Variants in PHF3 observed in about 807,000 individuals in gnomAD.
The protein encoded by PHF3 is PHD finger protein 3.
A neutral mutation model predicts 178.4 loss-of-function variants in PHF3; 41 were observed. That is an observed-to-expected ratio of 0.23 (90% CI 0.18 to 0.30). The LOEUF (loss-of-function observed/expected upper bound fraction) is 0.30, where lower values mean the gene tolerates loss of function less well. Ranked by LOEUF, PHF3 falls within the 10% of genes least tolerant of loss-of-function variation. The pLI is 1.00. For missense variants in PHF3, 2,346 were observed against 2,398.1 expected (o/e 0.98, Z 0.45); for synonymous variants, 842 against 800.5 (o/e 1.05, Z -0.88).
rs1767181335 is a variant in PHF3 at position 63,695,191 on chromosome 6, G to A, written c.2680+427G>A. 2.6e-5 allele frequency among the ~76,000 whole-genome samples: 4 copies of A among 152,060 alleles called. No homozygotes were observed. In the South Asian group the frequency reaches 8.3e-4, roughly 31 times the overall value. ...AGGGGTGCAAAGATTTTTGGAGGAG[G>A]TACTAGGTAAGGGACACATCAAATC... On this transcript the variant is annotated intron_variant, in intron 6 of 15. Transcript: ENST00000262043.
chr6:63,694,749 A>G lies in PHF3; in HGVS notation c.2665A>G (p.Lys889Glu). The change falls in exon 6 of 16, where the codon AAA (lysine) becomes GAA (glutamate). Residue 889 changes from lysine to glutamate, a missense_variant. By Grantham distance (56) the Lys-to-Glu change is moderately conservative. This residue lies in a region of PHF3 where 252 missense variants were observed against 232.0 expected (regional missense o/e 1.09). Coordinates refer to ENST00000262043, the MANE Select transcript of PHF3 (RefSeq NM_001370348.2). ...TACAACTGTTACTTGCACAGGAGAA[A>G]AAGCTTCAAAACCAGGTAGTGAGAT... ...ESTTVTCTGE[K>E]ASKPGTHEKQ... 2.0e-6 allele frequency: 3 copies of G among 1,503,054 alleles called. No individual in the cohort carries two copies. The highest frequency in any genetic ancestry group is 2.9e-5 in the South Asian group (2 of 69,236). The allele number at this position is 1,503,054 out of a possible 1,614,324, so 93.1% of individuals were successfully genotyped here. A position where few individuals can be genotyped will look rare whatever the true frequency, so the allele number is the denominator to read the frequency against.
At chr6:63,654,919 GCT>G (rs1765170090) in intron 2 of PHF3, among the ~76,000 whole-genome samples, 1 of 147,512 alleles carries the variant, frequency 6.8e-6, no homozygotes, top group Non-Finnish European at 1.5e-5. Context: ...TCGAGATGGG[GCT>G]CTCACTGTGT....
At chr6:63,688,395 G>A (rs1334019462) in intron 4 of PHF3, among the ~76,000 whole-genome samples, 1 of 133,096 alleles carries the variant, frequency 7.5e-6, no homozygotes, top group Admixed American at 8.0e-5. Context: ...GAGAGCAGTG[G>A]TGTGATCTTG....
chr6:63,708,468 T>C (rs1767788363), intron 13 of PHF3, among the ~76,000 whole-genome samples: 1 of 152,174 alleles, frequency 6.6e-6, no homozygotes, highest in Admixed American at 6.5e-5. Context: ...TACTTGTTTT[T>C]AGTTTGGACT....
At chr6:63,650,787 T>C (rs776750934) in intron 2 of PHF3, among the ~76,000 whole-genome samples, 5 of 152,192 alleles carry the variant, frequency 3.3e-5, no homozygotes, top group Non-Finnish European at 7.4e-5. Flanking sequence ...TTAAAAAGTT[T>C]TGGGTTTTAT....
intron 2 of PHF3, among the ~76,000 whole-genome samples, chr6:63,657,132 T>G (rs1395813717): frequency 6.6e-6 from 1 of 152,212 alleles, no homozygotes; most frequent in Non-Finnish European, 1.5e-5. Context: ...CTTGTGTCTT[T>G]CCAACATTTT....
chr6:63,692,996 G>A (rs999013450), intron 5 of PHF3, among the ~76,000 whole-genome samples: 6 of 152,080 alleles, frequency 3.9e-5, no homozygotes, highest in Admixed American at 3.3e-4. Context: ...TTCCTTGTAC[G>A]ACAAATCTGG....
In PHF3 at chr6:63,646,569, A is replaced by G; in HGVS notation, c.18A>G (p.Thr6=). Residue 6 remains threonine (T), a synonymous_variant, in exon 2 of 16, where the codon ACA becomes ACG. Coordinates refer to ENST00000262043, the MANE Select transcript of PHF3 (RefSeq NM_001370348.2). MDIVD[T]FNHLIPTEHL... ...AAGTCTTCATGGATATAGTTGATACATTTAATCATTTAATTCCTACTGAAC... is the reference window on the plus strand; with the variant it reads ...AAGTCTTCATGGATATAGTTGATACGTTTAATCATTTAATTCCTACTGAAC... The G allele has an allele frequency of 6.2e-7, 1 of 1,610,662 alleles. No homozygotes were observed. The highest frequency in any genetic ancestry group is 8.5e-7 in the Non-Finnish European group (1 of 1,177,282).
intron 6 of PHF3, among the ~76,000 whole-genome samples, chr6:63,696,858 G>T (rs960610120): frequency 6.6e-6 from 1 of 152,104 alleles, no homozygotes; most frequent in Non-Finnish European, 1.5e-5. Flanking sequence ...CGGTGGAGCA[G>T]TAGGGAAAAA....
intron 1 of PHF3, among the ~76,000 whole-genome samples, chr6:63,638,520 GT>G (rs1482590176): frequency 6.6e-6 from 1 of 151,940 alleles, no homozygotes. Flanking sequence ...TAACTTTTCT[GT>G]TTTTTAGTGA....
At position 63,685,824 on chromosome 6, in the gene PHF3, G is replaced by T. The variant is rs1385505917; in HGVS notation, c.2102G>T (p.Gly701Val). Residue 701 changes from glycine (G) to valine (V), a missense_variant, in exon 4 of 16, where the codon GGC becomes GTC. Gly to Val is a moderately radical substitution (Grantham distance 109). Around this residue, in one of 8 missense-constraint regions of PHF3, gnomAD observed 72 missense variants for 110.5 expected, o/e 0.65. Coordinates refer to ENST00000262043, the MANE Select transcript of PHF3 (RefSeq NM_001370348.2). ...PDNIATIRRE[G>V]SDHSSSFESK... is the part of the protein sequence containing the mutation. ...AACATAGCTACCATAAGAAGAGAAG[G>T]CTCTGATCATAGCTCCTCATTTGAA... 6 of 1,613,668 alleles carry T rather than the reference G, an allele frequency of 3.7e-6. No individual in the cohort carries two copies. The highest frequency in any genetic ancestry group is 3.4e-6 in the Non-Finnish European group (4 of 1,180,014).
At chr6:63,645,336 A>G (rs1273992059) in intron 1 of PHF3, among the ~76,000 whole-genome samples, 2 of 152,204 alleles carry the variant, frequency 1.3e-5, no homozygotes, top group African/African-American at 2.4e-5. Flanking sequence ...CATTTAAATT[A>G]TTCAAGTGCA....
rs752225185 is a variant in PHF3 at position 63,714,898 on chromosome 6, A to C, written c.*1190A>C. 3.3e-5 allele frequency: 5 copies of C among 152,076 alleles called. No individual in the cohort carries two copies. Among genetic ancestry groups the C allele is most frequent in the African/African-American group, 4.8e-5 (2 of 41,382 alleles). The allele number at this position is 152,076 out of a possible 1,614,324, so 9.4% of individuals were successfully genotyped here. ...TACTTGAAAAAAAAATATGAAAACT[A>C]TTGTTAATTCAAATCTAAATTTATT... On this transcript the variant is annotated 3_prime_UTR_variant, in exon 16 of 16. Coordinates refer to ENST00000262043, the MANE Select transcript of PHF3 (RefSeq NM_001370348.2).
intron 2 of PHF3, among the ~76,000 whole-genome samples, chr6:63,661,512 C>A (rs563292673): frequency 2.6e-4 from 39 of 152,074 alleles, no homozygotes; most frequent in African/African-American, 9.4e-4. Context: ...GAAATTTCAA[C>A]CAGTGTGATA....
chr6:63,638,713 TC>T (rs1764452236), intron 1 of PHF3, among the ~76,000 whole-genome samples: 2 of 152,108 alleles, frequency 1.3e-5, no homozygotes, highest in Non-Finnish European at 2.9e-5. Context: ...GAAAAGTACA[TC>T]TTGGGCTCTG....
chr6:63,653,075 T>C (rs1561942363), intron 2 of PHF3, among the ~76,000 whole-genome samples: 1 of 150,260 alleles, frequency 6.7e-6, no homozygotes, highest in African/African-American at 2.5e-5. Context: ...GTTTTGGGGA[T>C]TTTTTTTTCT....
chr6:63,702,854 C>A (rs535743344), intron 10 of PHF3, among the ~76,000 whole-genome samples: 1 of 152,094 alleles, frequency 6.6e-6, no homozygotes, highest in South Asian at 2.1e-4. Context: ...GTGTAGATTC[C>A]TGGAGTGCTC....
chr6:63,703,580 A>C lies in PHF3; in HGVS notation c.3276A>C (p.Glu1092Asp), dbSNP rs34451509. 864 of 1,613,136 alleles carry C rather than the reference A, an allele frequency of 5.4e-4. 1 individual carries two copies. In the African/African-American group the frequency reaches 0.01, roughly 19 times the overall value. The change falls in exon 11 of 16, where the codon GAA becomes GAC. Residue 1092 changes from glutamate (E) to aspartate (D), a missense_variant. Physicochemically the swap from Glu to Asp is conservative, Grantham distance 45. This residue lies in a region of PHF3 where 205 missense variants were observed against 212.4 expected (regional missense o/e 0.97). Transcript: ENST00000262043. ...NKSLEKPEGS[E>D]KQKEEVDSMS... Reference sequence around the variant, plus strand: ...CATTGGAGAAGCCAGAAGGATCTGAAAAACAAAAAGAGGAGGTTGACTCTA... The same window carrying C: ...CATTGGAGAAGCCAGAAGGATCTGACAAACAAAAAGAGGAGGTTGACTCTA...
rs1325014426 is a variant in PHF3, at chr6:63,724,534, GATTA to G, written c.*10830_*10833del. ...ACTATATCAGATGAATTCAGGCTTT[GATTA>G]ATTTGTGCTTAACAAAATGTTGATA... On this transcript the variant is annotated 3_prime_UTR_variant, in exon 16 of 16. Coordinates refer to ENST00000262043, the MANE Select transcript of PHF3 (RefSeq NM_001370348.2). Among the ~76,000 whole-genome samples, 1 of 152,022 alleles carries G rather than the reference GATTA, an allele frequency of 6.6e-6. No individual in the cohort carries two copies. The highest frequency in any genetic ancestry group is 1.5e-5 in the Non-Finnish European group (1 of 67,980).
Sources: gnomAD v4.1 joint callset for allele counts (sites outside exome capture counted in the v4.1 genomes callset) on GRCh38, gnomAD v4.1.1 for gene constraint, gnomAD v4.1.1 regional missense constraint, MANE v1.5 for transcripts, NCBI Gene and HGNC (gene_info 2026-07-23, HGNC 2026-07-21) for gene names.